Variants in VANGL1 observed in about 807,000 individuals in gnomAD.
The protein encoded by VANGL1 is VANGL planar cell polarity protein 1.
A neutral mutation model predicts 48.4 loss-of-function variants in VANGL1; 18 were observed. The ratio of observed to expected loss-of-function variants is 0.37; its 90% CI spans 0.26 to 0.55. The LOEUF is 0.55. VANGL1 is among the 20% of genes least tolerant of loss of function. VANGL1 has a pLI of 0.81. For missense variants in VANGL1, 667 were observed against 675.8 expected, an observed-to-expected ratio of 0.99 and a Z score of 0.14; for synonymous variants, 257 against 261.8, an observed-to-expected ratio of 0.98 and a Z score of 0.18.
intron 1 of VANGL1, among the ~76,000 whole-genome samples, chr1:115,646,988 C>G (rs1321445174): frequency 1.3e-5 from 2 of 152,232 alleles, no homozygotes; most frequent in Non-Finnish European, 2.9e-5. Context: ...CCCTAAGACT[C>G]TACCTTAAAG....
chr1:115,677,378 T>C (rs1653208856), intron 4 of VANGL1, among the ~76,000 whole-genome samples: 1 of 152,186 alleles, frequency 6.6e-6, no homozygotes, highest in Admixed American at 6.5e-5. Context: ...TCCACCCTCT[T>C]TGTCCTGCAA....
At position 115,686,835 on chromosome 1, in the gene VANGL1, C is replaced by G. The variant is rs574108211; in HGVS notation, c.1314+1308C>G. 3.7e-4 allele frequency among the ~76,000 whole-genome samples: 56 copies of G among 152,282 alleles called. No individual in the cohort carries two copies. The Middle Eastern group carries it at 0.01, about 28-fold the overall frequency. The stretch of plus-strand genomic sequence containing the variant: ...TTTAAGCACATCACGTGAATTAACT[C>G]TTTCAGTTCCTCTACACTTGTTTAC... On this transcript the variant is annotated intron_variant, in intron 7 of 7. Coordinates refer to ENST00000355485, the MANE Select transcript of VANGL1 (RefSeq NM_138959.3).
intron 4 of VANGL1, among the ~76,000 whole-genome samples, chr1:115,672,247 T>C (rs531746558): frequency 5.3e-5 from 8 of 152,302 alleles, no homozygotes; most frequent in South Asian, 2.1e-4. Flanking sequence ...GGATTAGATA[T>C]CCTAGGCTGC....
chr1:115,659,733 C>T lies in VANGL1; in HGVS notation c.164C>T (p.Pro55Leu), dbSNP rs550141552. ...SVTIQPPTGE[P>L]LLGNDSTRTE... The stretch of plus-strand genomic sequence containing the variant: ...ACCATTCAACCTCCCACTGGAGAGC[C>T]CCTGTTGGGAAATGATTCTACTCGG... Residue 55 changes from proline to leucine, a missense_variant, in exon 3 of 8, where the codon CCC becomes CTC. By Grantham distance (98) the Pro-to-Leu change is moderately conservative (BLOSUM62 -3). Coordinates refer to ENST00000355485, the MANE Select transcript of VANGL1 (RefSeq NM_138959.3). The T allele has an allele frequency of 1.2e-6, 2 of 1,613,958 alleles. No individual in the cohort carries two copies. The highest frequency in any genetic ancestry group is 1.7e-5 in the Admixed American group (1 of 60,008).
chr1:115,644,308 T>C (rs1557759639), intron 1 of VANGL1, among the ~76,000 whole-genome samples: 2 of 152,244 alleles, frequency 1.3e-5, no homozygotes, highest in African/African-American at 4.8e-5. Context: ...AGATATTACA[T>C]GTAAGTGACT....
chr1:115,693,362 G>T lies in VANGL1; in HGVS notation c.*1983G>T, dbSNP rs1037500304. The T allele has an allele frequency of 2.6e-5, 4 of 152,600 alleles. No homozygotes were observed. Among genetic ancestry groups the T allele is most frequent in the African/African-American group, 9.7e-5 (4 of 41,450 alleles). The allele number at this position is 152,600 out of a possible 1,614,324, so 9.5% of individuals were successfully genotyped here. A position where few individuals can be genotyped will look rare whatever the true frequency, so the allele number is the denominator to read the frequency against. On this transcript the variant is annotated 3_prime_UTR_variant, in exon 8 of 8. Transcript: ENST00000355485. ...TACAGTGCAGTTCCAAGTGCCATAA[G>T]TGTATGTACATATAGTTAATAATGA...
At chr1:115,659,031 T>A (rs1219385495) in intron 2 of VANGL1, among the ~76,000 whole-genome samples, 3 of 152,112 alleles carry the variant, frequency 2.0e-5, no homozygotes, top group Admixed American at 2.0e-4. Context: ...CTAGCTTGTT[T>A]GTTTCTATGG....
intron 7 of VANGL1, among the ~76,000 whole-genome samples, chr1:115,690,687 G>C (rs1386906571): frequency 6.6e-6 from 1 of 152,240 alleles, no homozygotes; most frequent in African/African-American, 2.4e-5. Flanking sequence ...TATGCAGCTT[G>C]TATTTCCTGA....
chr1:115,678,486 T>G (rs1010572976), intron 4 of VANGL1, among the ~76,000 whole-genome samples: 4 of 152,184 alleles, frequency 2.6e-5, no homozygotes, highest in Admixed American at 2.0e-4. Flanking sequence ...GCCTCACCTA[T>G]TCACACTTGC....
chr1:115,672,479 G>A (rs190216902), intron 4 of VANGL1, among the ~76,000 whole-genome samples: 51 of 152,300 alleles, frequency 3.3e-4, no homozygotes, highest in Admixed American at 9.8e-4. Flanking sequence ...GCCACACAGA[G>A]CCTCTGATCT....
intron 2 of VANGL1, among the ~76,000 whole-genome samples, chr1:115,654,340 A>G: frequency 6.6e-6 from 1 of 151,754 alleles, no homozygotes; most frequent in South Asian, 2.1e-4. Context: ...TTTTCTAACA[A>G]AGAGGTCAGT....
At chr1:115,686,643 G>GCCAT (rs1225661487) in intron 7 of VANGL1, among the ~76,000 whole-genome samples, 1 of 151,966 alleles carries the variant, frequency 6.6e-6, no homozygotes, top group Non-Finnish European at 1.5e-5. Context: ...TAGATATATG[G>GCCAT]CTGTTTCTTG....
At chr1:115,659,299 C>G (rs904896218) in intron 2 of VANGL1, among the ~76,000 whole-genome samples, 1 of 152,044 alleles carries the variant, frequency 6.6e-6, no homozygotes, top group African/African-American at 2.4e-5. Context: ...ATAACCAAAT[C>G]AAATCACTAA....
chr1:115,652,560 C>A (rs550971953), intron 2 of VANGL1, among the ~76,000 whole-genome samples: 1 of 152,306 alleles, frequency 6.6e-6, no homozygotes, highest in South Asian at 2.1e-4. Context: ...TCAACAGTGG[C>A]TAAAGTAATG....
At chr1:115,663,192 T>C (rs1652633694) in intron 3 of VANGL1, among the ~76,000 whole-genome samples, 1 of 152,042 alleles carries the variant, frequency 6.6e-6, no homozygotes. Context: ...TGCTAGAGGG[T>C]GTAGTAATAC....
In VANGL1 at chr1:115,682,502, G is replaced by A; in HGVS notation, c.946+5G>A. The stretch of plus-strand genomic sequence containing the variant: ...TGAAAGTCTACAATGTAGATGGTAT[G>A]TGCCTTGAAAGGGTGTCCGTGGTGC... On this transcript the variant is annotated splice_donor_5th_base_variant and intron_variant, in intron 5 of 7. Coordinates refer to ENST00000355485, the MANE Select transcript of VANGL1 (RefSeq NM_138959.3). 6.2e-7 allele frequency: 1 copy of A among 1,614,186 alleles called. No homozygotes were observed. The highest frequency in any genetic ancestry group is 8.5e-7 in the Non-Finnish European group (1 of 1,180,026).
At chr1:115,674,038 G>A (rs1466197024) in intron 4 of VANGL1, among the ~76,000 whole-genome samples, 2 of 152,130 alleles carry the variant, frequency 1.3e-5, no homozygotes, top group Admixed American at 6.5e-5. Context: ...TTGCCACTAC[G>A]GGTTTCTCCA....
rs59108260 is a variant in VANGL1 at position 115,657,017 on chromosome 1, C to T, written c.72-2624C>T. ...AGAAGAGGGGCATTGTCCATCTGGCCGATGGCAGGGCTGGTGGAGCAGCAG... is the reference window on the plus strand; with the variant it reads ...AGAAGAGGGGCATTGTCCATCTGGCTGATGGCAGGGCTGGTGGAGCAGCAG... On this transcript the variant is annotated intron_variant, in intron 2 of 7. Transcript: ENST00000355485. Among the ~76,000 whole-genome samples, 8 of 152,224 alleles carry T rather than the reference C, an allele frequency of 5.3e-5. No individual in the cohort carries two copies. The East Asian group carries it at 5.8e-4, about 11-fold the overall frequency.
chr1:115,664,119 ATATGCAG>A lies in VANGL1; in HGVS notation c.665_671del (p.Tyr222SerfsTer47). On this transcript the variant is annotated frameshift_variant, in exon 4 of 8. Coordinates refer to ENST00000355485, the MANE Select transcript of VANGL1 (RefSeq NM_138959.3). LOFTEE classifies it high-confidence loss of function. Reference sequence around the variant, plus strand: ...ACCGGAATTACCAGGGCATTGTGCAATATGCAGTCTCCCTTGTGGATGCCCTCCTCTT... The same window carrying A: ...ACCGGAATTACCAGGGCATTGTGCAATCTCCCTTGTGGATGCCCTCCTCTT... The A allele has an allele frequency of 6.2e-7, 1 of 1,614,180 alleles. No individual in the cohort carries two copies. The highest frequency in any genetic ancestry group is 8.5e-7 in the Non-Finnish European group (1 of 1,180,036).
Sources: gnomAD v4.1 joint callset for allele counts (sites outside exome capture counted in the v4.1 genomes callset) on GRCh38, gnomAD v4.1.1 for gene constraint, MANE v1.5 for transcripts, NCBI Gene and HGNC (gene_info 2026-07-23, HGNC 2026-07-21) for gene names.